FGF12: variants seen among roughly 807,000 people sequenced by gnomAD.
FGF12 encodes the protein fibroblast growth factor 12B.
Under a neutral mutation model 23.6 loss-of-function variants are expected in FGF12, and 14 were observed. That is an observed-to-expected ratio of 0.59 (90% CI 0.39 to 0.93). The LOEUF is 0.93. Among genes scored for constraint, FGF12 ranks in the 40% least tolerant of loss-of-function variants. The pLI is 0.00. For synonymous variants in FGF12, 62 were observed against 77.3 expected (o/e 0.80, Z 1.04); for missense variants, 175 against 217.8 (o/e 0.80, Z 1.24).
chr3:192,721,409 T>C (rs1439886206), intron 2 of FGF12, among the ~76,000 whole-genome samples: 1 of 152,212 alleles, frequency 6.6e-6, no homozygotes, highest in Non-Finnish European at 1.5e-5. Context: ...CTTTGTTTTG[T>C]TATCTATAAA....
At chr3:192,679,271 G>A (rs918827585) in intron 2 of FGF12, among the ~76,000 whole-genome samples, 13 of 152,128 alleles carry the variant, frequency 8.5e-5, no homozygotes, top group Admixed American at 1.3e-4. Context: ...GAGTTGACAC[G>A]AAAGATAAGC....
At chr3:192,162,725 G>C (rs954030787) in intron 5 of FGF12, among the ~76,000 whole-genome samples, 1 of 152,026 alleles carries the variant, frequency 6.6e-6, no homozygotes, top group Non-Finnish European at 1.5e-5. Context: ...CCAGTTTATT[G>C]AAATAAAAAT....
At chr3:192,506,600 AGCCTCAAGTAACCT>A (rs1724308095) in intron 2 of FGF12, among the ~76,000 whole-genome samples, 1 of 152,078 alleles carries the variant, frequency 6.6e-6, no homozygotes, top group Admixed American at 6.5e-5. Flanking sequence ...CTGAACTCTC[AGCCTCAAGTAACCT>A]GCCCACCTCA....
At position 192,675,253 on chromosome 3, in the gene FGF12, G is replaced by A. The variant is rs532518610; in HGVS notation, c.13+51928C>T. Among the ~76,000 whole-genome samples the A allele has an allele frequency of 1.4e-3, 210 of 151,734 alleles. 2 individuals are homozygous for A. Among genetic ancestry groups the A allele is most frequent in the African/African-American group, 4.8e-3 (199 of 41,384 alleles). On this transcript the variant is annotated intron_variant, in intron 2 of 5. Coordinates refer to ENST00000445105, the MANE Select transcript of FGF12 (RefSeq NM_004113.6). Reference sequence around the variant, plus strand: ...CACTGTGGCCAATGACAGCAATTACGTGAAAGAGTGTGGGTATAAAACTCT... The same window carrying A: ...CACTGTGGCCAATGACAGCAATTACATGAAAGAGTGTGGGTATAAAACTCT...
chr3:192,335,527 T>A (rs1209859030), intron 3 of FGF12, 63 bp from the exon 4 acceptor site: 3 of 999,348 alleles, frequency 3.0e-6, no homozygotes, highest in Admixed American at 3.7e-5. Flanking sequence ...ATCCTTCTTA[T>A]AATCATTCTT....
chr3:192,366,052 C>G (rs1233120296), intron 2 of FGF12, among the ~76,000 whole-genome samples: 1 of 151,060 alleles, frequency 6.6e-6, no homozygotes. Flanking sequence ...CAAGGTCACA[C>G]AGCTAACACA....
intron 2 of FGF12, among the ~76,000 whole-genome samples, chr3:192,377,268 A>C (rs963323091): frequency 2.0e-5 from 3 of 152,134 alleles, no homozygotes; most frequent in African/African-American, 4.8e-5. Context: ...TCCTGTGCCC[A>C]CATAAAGGTT....
intron 4 of FGF12, among the ~76,000 whole-genome samples, chr3:192,190,686 G>A (rs973984441): frequency 2.6e-4 from 39 of 151,148 alleles, no homozygotes; most frequent in Non-Finnish European, 4.0e-4. Flanking sequence ...CGTTTTAGCC[G>A]GGATGGTCTC....
chr3:192,686,572 T>C (rs1171461658), intron 2 of FGF12, among the ~76,000 whole-genome samples: 1 of 152,060 alleles, frequency 6.6e-6, no homozygotes, highest in Non-Finnish European at 1.5e-5. Context: ...CTATTTGAAG[T>C]GGGTTACTTA....
intron 4 of FGF12, among the ~76,000 whole-genome samples, chr3:192,201,494 TCAC>T (rs2108662254): frequency 6.6e-6 from 1 of 152,330 alleles, no homozygotes; most frequent in East Asian, 1.9e-4. Context: ...GACATTATCC[TCAC>T]CACATCTCCA....
intron 4 of FGF12, among the ~76,000 whole-genome samples, chr3:192,235,615 C>G (rs1220740352): frequency 6.6e-6 from 1 of 152,142 alleles, no homozygotes; most frequent in Non-Finnish European, 1.5e-5. Flanking sequence ...AGCCACTGCA[C>G]TTGGCCTCTT....
chr3:192,656,571 G>A (rs1716436186), intron 2 of FGF12, among the ~76,000 whole-genome samples: 1 of 152,076 alleles, frequency 6.6e-6, no homozygotes, highest in African/African-American at 2.4e-5. Flanking sequence ...GCATCCAGTG[G>A]GTAGAGGCCA....
chr3:192,493,070 T>C (rs893433777), intron 2 of FGF12, among the ~76,000 whole-genome samples: 1 of 151,450 alleles, frequency 6.6e-6, no homozygotes, highest in African/African-American at 2.4e-5. Flanking sequence ...TTAGAAATAG[T>C]CATCTCAATG....
At chr3:192,667,115 T>C (rs1378671385) in intron 2 of FGF12, among the ~76,000 whole-genome samples, 3 of 152,218 alleles carry the variant, frequency 2.0e-5, no homozygotes, top group Non-Finnish European at 2.9e-5. Context: ...CTGTGTATAA[T>C]GCACTCTGCT....
At chr3:192,316,076 T>G (rs1716213490) in intron 4 of FGF12, among the ~76,000 whole-genome samples, 1 of 152,186 alleles carries the variant, frequency 6.6e-6, no homozygotes, top group Non-Finnish European at 1.5e-5. Flanking sequence ...CCTCCTGTCC[T>G]CTGAATGTTG....
At chr3:192,515,468 C>T (rs895876880) in intron 2 of FGF12, 1 of 152,412 alleles carries the variant, frequency 6.6e-6, no homozygotes, top group African/African-American at 2.4e-5. Flanking sequence ...ATGTGGGAGT[C>T]TGGACACCTG....
intron 4 of FGF12, among the ~76,000 whole-genome samples, chr3:192,330,949 T>A (rs1039439125): frequency 6.6e-6 from 1 of 151,868 alleles, no homozygotes; most frequent in African/African-American, 2.4e-5. Flanking sequence ...TATTTGCAAA[T>A]CATATATCTG....
rs544085276 is a variant in FGF12 at position 192,661,794 on chromosome 3, T to A, written c.13+65387A>T. 3.3e-5 allele frequency among the ~76,000 whole-genome samples: 5 copies of A among 152,234 alleles called. No individual in the cohort carries two copies. The East Asian group carries it at 9.7e-4, about 29-fold the overall frequency. On this transcript the variant is annotated intron_variant, in intron 2 of 5. Transcript: ENST00000445105. ...AAATAAAATGACTGACATGTTAAGG[T>A]TCAACCTTCTGCTATCCAAAACCAA...
At chr3:192,317,143 A>C (rs1716267057) in intron 4 of FGF12, among the ~76,000 whole-genome samples, 1 of 151,804 alleles carries the variant, frequency 6.6e-6, no homozygotes. Context: ...AGGGTGTCCC[A>C]GCATATTCCC....
Sources: gnomAD v4.1 joint callset for allele counts (sites outside exome capture counted in the v4.1 genomes callset) on GRCh38, gnomAD v4.1.1 for gene constraint, MANE v1.5 for transcripts, NCBI Gene and HGNC (gene_info 2026-07-23, HGNC 2026-07-21) for gene names.